Variants in FOSL2 observed in about 807,000 individuals in gnomAD.
FOSL2 encodes FOS like 2, AP-1 transcription factor subunit.
In FOSL2, 3 loss-of-function variants were observed where a neutral mutation model predicts 27.7. That is an observed-to-expected ratio of 0.11 (90% CI 0.05 to 0.28). The LOEUF (loss-of-function observed/expected upper bound fraction) is 0.28, where lower values mean the gene tolerates loss of function less well. Ranked by LOEUF, FOSL2 falls within the 10% of genes least tolerant of loss-of-function variation. The probability of loss-of-function intolerance (pLI) is 1.00; values close to 1 mark genes in which losing one functional copy is unlikely to be tolerated. For missense variants in FOSL2, 333 were observed against 445.1 expected, an observed-to-expected ratio of 0.75 and a Z score of 2.27; for synonymous variants, 179 against 190.1, an observed-to-expected ratio of 0.94 and a Z score of 0.48.
rs1490067216 is a variant in FOSL2, at chr2:28,414,368, T to TAAAA, written c.*1920_*1921insAAAA. The TAAAA allele has an allele frequency of 6.6e-6, 1 of 152,326 alleles. No individual in the cohort carries two copies. Among genetic ancestry groups the TAAAA allele is most frequent in the Admixed American group, 6.5e-5 (1 of 15,286 alleles). 9.4% of individuals were successfully genotyped at this position (152,326 alleles called of 1,614,324 possible). On this transcript the variant is annotated 3_prime_UTR_variant, in exon 4 of 4. Coordinates refer to ENST00000264716, the MANE Select transcript of FOSL2 (RefSeq NM_005253.4). ...AGGAGGGTTTCAAAGAAAAAGGATT[T>TAAAA]TGTTTAAAATACTTTAAAAATGTTA...
chr2:28,413,470 C>T lies in FOSL2; in HGVS notation c.*1022C>T, dbSNP rs1250418198. On this transcript the variant is annotated 3_prime_UTR_variant, in exon 4 of 4. Coordinates refer to ENST00000264716, the MANE Select transcript of FOSL2 (RefSeq NM_005253.4). ...CCCACCCTGGCTCTCAGGGTGACGC[C>T]ACCCACAGAGATTTAATGAGCGTGG... 1 of 398,602 alleles carries T rather than the reference C, an allele frequency of 2.5e-6. No homozygotes were observed. The highest frequency in any genetic ancestry group is 4.4e-6 in the Non-Finnish European group (1 of 226,156). 24.7% of individuals were successfully genotyped at this position (398,602 alleles called of 1,614,324 possible).
At chr2:28,405,159 C>T (rs1664050754) in intron 2 of FOSL2, among the ~76,000 whole-genome samples, 1 of 152,174 alleles carries the variant, frequency 6.6e-6, no homozygotes, top group African/African-American at 2.4e-5. Context: ...TGCCAAGTTC[C>T]CTGGTCTTGG....
chr2:28,393,900 T>G lies in FOSL2; in HGVS notation c.102+78T>G, dbSNP rs1289305257. The G allele has an allele frequency of 7.9e-6, 8 of 1,008,664 alleles. No homozygotes were observed. The highest frequency in any genetic ancestry group is 1.7e-5 in the African/African-American group (1 of 59,174). 62.5% of individuals were successfully genotyped at this position (1,008,664 alleles called of 1,614,324 possible). ...CTCGCCGCCACTGCCTCTTTTGCTT[T>G]CTTTTCTTTTTCTTGGCGAGAAAAT... On this transcript the variant is annotated intron_variant, in intron 1 of 3. Coordinates refer to ENST00000264716, the MANE Select transcript of FOSL2 (RefSeq NM_005253.4). This position sits in a 1 kb window ranked among gnomAD's most constrained non-coding sequence, Gnocchi z 4.6.
In FOSL2 at chr2:28,392,901, C is replaced by CAGCGAGCG; in HGVS notation, c.-814_-807dup. The stretch of plus-strand genomic sequence containing the variant: ...CAGAGCGCTAGGGCTCCGAGCGAAC[C>CAGCGAGCG]AGCGAGCGAGCGAACGAGCGGCGCT... On this transcript the variant is annotated 5_prime_UTR_variant, in exon 1 of 4. Transcript: ENST00000264716. 1 of 714,186 alleles carries CAGCGAGCG rather than the reference C, an allele frequency of 1.4e-6. No homozygotes were observed. The highest frequency in any genetic ancestry group is 2.6e-6 in the Non-Finnish European group (1 of 383,096). 44.2% of individuals were successfully genotyped at this position (714,186 alleles called of 1,614,324 possible).
chr2:28,404,383 A>G lies in FOSL2; in HGVS notation c.354+25A>G. 3 of 1,598,428 alleles carry G rather than the reference A, an allele frequency of 1.9e-6. No homozygotes were observed. The highest frequency in any genetic ancestry group is 2.6e-6 in the Non-Finnish European group (3 of 1,170,862). On this transcript the variant is annotated intron_variant, in intron 2 of 3. Coordinates refer to ENST00000264716, the MANE Select transcript of FOSL2 (RefSeq NM_005253.4). The surrounding 1 kb of genome is among the most constrained non-coding windows in gnomAD (Gnocchi z 4.7). The stretch of plus-strand genomic sequence containing the variant: ...GGTACAGCTCAGACCAGTGGGAAGG[A>G]GCCACGTCAGTGGCTTTCAGAGCCC...
rs183775029 is a variant in FOSL2, at chr2:28,416,310, A to G, written c.*3862A>G. 1 of 152,082 alleles carries G rather than the reference A, an allele frequency of 6.6e-6. No individual in the cohort carries two copies. The highest frequency in any genetic ancestry group is 1.5e-5 in the Non-Finnish European group (1 of 68,014). The allele number at this position is 152,082 out of a possible 1,614,324, so 9.4% of individuals were successfully genotyped here. A position where few individuals can be genotyped will look rare whatever the true frequency, so the allele number is the denominator to read the frequency against. ...GACATGTTCAGGAGGGGCTGGATCA[A>G]ATTTTGAGAGGGTTATGGGAAAGGG... On this transcript the variant is annotated 3_prime_UTR_variant, in exon 4 of 4. Transcript: ENST00000264716.
chr2:28,399,150 A>C (rs772703059), intron 1 of FOSL2, among the ~76,000 whole-genome samples: 44 of 152,236 alleles, frequency 2.9e-4, no homozygotes, highest in Non-Finnish European at 4.8e-4. Flanking sequence ...ACAGGGCTTC[A>C]TGGCTTGAAT....
chr2:28,397,171 T>C (rs1174088111), intron 1 of FOSL2: 1 of 151,994 alleles, frequency 6.6e-6, no homozygotes, highest in Non-Finnish European at 1.5e-5. Context: ...AAAAAAGGAG[T>C]GCTTTTTCGT....
chr2:28,405,258 G>A (rs2148089361), intron 2 of FOSL2, among the ~76,000 whole-genome samples: 1 of 152,284 alleles, frequency 6.6e-6, no homozygotes, highest in South Asian at 2.1e-4. Flanking sequence ...GATGATACAA[G>A]CAAGGGCCAG....
chr2:28,400,660 T>TGAA (rs2148082360), intron 1 of FOSL2, among the ~76,000 whole-genome samples: 1 of 152,296 alleles, frequency 6.6e-6, no homozygotes, highest in African/African-American at 2.4e-5. Context: ...AAGGTGTACA[T>TGAA]GCGTTTCAGA....
At chr2:28,395,616 C>T (rs1436074235) in intron 1 of FOSL2, 2 of 152,200 alleles carry the variant, frequency 1.3e-5, no homozygotes, top group African/African-American at 4.8e-5. Context: ...AATAGGGCCT[C>T]ATTACCGAAG....
chr2:28,407,768 C>A (rs1032904223), intron 2 of FOSL2, among the ~76,000 whole-genome samples: 1 of 152,198 alleles, frequency 6.6e-6, no homozygotes, highest in Admixed American at 6.5e-5. Flanking sequence ...TGGCCCACAG[C>A]CGTCTCCTTG....
intron 1 of FOSL2, chr2:28,395,437 C>G (rs181906371): frequency 6.6e-6 from 1 of 152,322 alleles, no homozygotes; most frequent in East Asian, 1.9e-4. Context: ...AGCATAGACC[C>G]TGGGGCCTGG....
intron 3 of FOSL2, 119 bp from the exon 4 acceptor site, chr2:28,411,811 G>A (rs1664203491): frequency 9.6e-7 from 1 of 1,038,428 alleles, no homozygotes; most frequent in Admixed American, 1.9e-5. Flanking sequence ...CGGGGTCTGT[G>A]GTTAGGTGTG....
rs917011294 is a variant in FOSL2, at chr2:28,408,227, C to G, written c.355-532C>G. Among the ~76,000 whole-genome samples the G allele has an allele frequency of 6.6e-6, 1 of 152,180 alleles. No homozygotes were observed. Among genetic ancestry groups the G allele is most frequent in the South Asian group, 2.1e-4 (1 of 4,830 alleles). ...CCCTCCCATCAGCAACATAACATTCCCCCCTGGGTGGTTCTTAACCTGTGT... is the reference window on the plus strand; with the variant it reads ...CCCTCCCATCAGCAACATAACATTCGCCCCTGGGTGGTTCTTAACCTGTGT... On this transcript the variant is annotated intron_variant, in intron 2 of 3. Coordinates refer to ENST00000264716, the MANE Select transcript of FOSL2 (RefSeq NM_005253.4). This position sits in a 1 kb window ranked among gnomAD's most constrained non-coding sequence, Gnocchi z 4.1.
Position 28,413,768 on chromosome 2 carries a change from G to GTCCCCA in FOSL2, c.*1320_*1321insTCCCCA, listed in dbSNP as rs1664256667. ...TGTCCCCACCCCAGTGCACTCTTCT[G>GTCCCCA]GCCCAGGCAGCAAGCAAGCTGTGAA... On this transcript the variant is annotated 3_prime_UTR_variant, in exon 4 of 4. Coordinates refer to ENST00000264716, the MANE Select transcript of FOSL2 (RefSeq NM_005253.4). The GTCCCCA allele has an allele frequency of 2.5e-6, 1 of 398,936 alleles. No homozygotes were observed. 24.7% of individuals were successfully genotyped at this position (398,936 alleles called of 1,614,324 possible). A position where few individuals can be genotyped will look rare whatever the true frequency, so the allele number is the denominator to read the frequency against.
At position 28,406,039 on chromosome 2, in the gene FOSL2, ATTCCCTTTTT is replaced by A. The variant is rs1664068870; in HGVS notation, c.354+1684_354+1693del. Among the ~76,000 whole-genome samples, 4 of 139,764 alleles carry A rather than the reference ATTCCCTTTTT, an allele frequency of 2.9e-5. 1 individual carries two copies. The Admixed American group carries it at 2.9e-4, about 10-fold the overall frequency. 91.7% of individuals were successfully genotyped at this position (139,764 alleles called of 152,430 possible). A position where few individuals can be genotyped will look rare whatever the true frequency, so the allele number is the denominator to read the frequency against. On this transcript the variant is annotated intron_variant, in intron 2 of 3. Coordinates refer to ENST00000264716, the MANE Select transcript of FOSL2 (RefSeq NM_005253.4). ...CCTGAGGATGTGCTGAATGCTCTCC[ATTCCCTTTTT>A]TTTTTTTTTTTTTTTTTTCTTTTTG...
In FOSL2 at chr2:28,404,921, G is replaced by A. The variant is rs1664046562; in HGVS notation, c.354+563G>A. Among the ~76,000 whole-genome samples the A allele has an allele frequency of 6.6e-6, 1 of 152,176 alleles. No homozygotes were observed. Among genetic ancestry groups the A allele is most frequent in the Non-Finnish European group, 1.5e-5 (1 of 68,030 alleles). On this transcript the variant is annotated intron_variant, in intron 2 of 3. Coordinates refer to ENST00000264716, the MANE Select transcript of FOSL2 (RefSeq NM_005253.4). This position sits in a 1 kb window ranked among gnomAD's most constrained non-coding sequence, Gnocchi z 4.7. ...GGCCTGGAATGCATGTTCCAGAGGT[G>A]CAGTAACTCTGGGGCCTTAGGAGTC...
Position 28,393,673 on chromosome 2 carries a change from C to CG in FOSL2, c.-43dup. On this transcript the variant is annotated 5_prime_UTR_variant, in exon 1 of 4. Coordinates refer to ENST00000264716, the MANE Select transcript of FOSL2 (RefSeq NM_005253.4). The surrounding 1 kb of genome is among the most constrained non-coding windows in gnomAD (Gnocchi z 4.6). ...AGCCGGTGCGCGGCCGCGGCGAGGG[C>CG]GGGGGAAGAAAAACACCCTGTTTCC... 3 of 1,402,676 alleles carry CG rather than the reference C, an allele frequency of 2.1e-6. No homozygotes were observed. The highest frequency in any genetic ancestry group is 9.8e-7 in the Non-Finnish European group (1 of 1,017,172). 86.9% of individuals were successfully genotyped at this position (1,402,676 alleles called of 1,614,324 possible).
Sources: allele counts gnomAD v4.1 joint callset (sites outside exome capture counted in the v4.1 genomes callset), GRCh38; gene constraint gnomAD v4.1.1; non-coding constraint Gnocchi (gnomAD v3.1); transcripts MANE v1.5; gene names NCBI Gene and HGNC (gene_info 2026-07-23, HGNC 2026-07-21).